CLSTN1: variants seen among roughly 807,000 people sequenced by gnomAD.
CLSTN1 encodes the protein calsyntenin 1.
CLSTN1 carries 28 observed loss-of-function variants against 108.3 expected under a neutral mutation model. The ratio of observed to expected loss-of-function variants is 0.26; its 90% CI spans 0.19 to 0.35. The LOEUF is 0.35. Among genes scored for constraint, CLSTN1 ranks in the 10% least tolerant of loss-of-function variants. The pLI, the probability that CLSTN1 is intolerant of heterozygous loss-of-function variation, is 1.00. For synonymous variants in CLSTN1, 524 were observed against 534.9 expected (o/e 0.98, Z 0.28); for missense variants, 1,157 against 1,302.6 (o/e 0.89, Z 1.72).
Position 9,805,058 on chromosome 1 carries a change from T to C in CLSTN1, c.91+18585A>G, listed in dbSNP as rs141186461. 8.0e-3 allele frequency among the ~76,000 whole-genome samples: 1,221 copies of C among 152,022 alleles called. 14 individuals carry two copies. Among genetic ancestry groups the C allele is most frequent in the African/African-American group, 0.027 (1,134 of 41,438 alleles). ...TCACTTGAACCTGGGAAGCAGAGGT[T>C]GCAGTGAGCCGAGATCGCGCCATAG... On this transcript the variant is annotated intron_variant, in intron 1 of 18. Transcript: ENST00000377298.
rs1355206574 is a variant in CLSTN1, at chr1:9,811,711, C to T, written c.91+11932G>A. 2.9e-5 allele frequency among the ~76,000 whole-genome samples: 3 copies of T among 103,458 alleles called. No homozygotes were observed. In the East Asian group the frequency reaches 8.5e-4, roughly 29 times the overall value. The allele number at this position is 103,458 out of a possible 152,430, so 67.9% of individuals were successfully genotyped here. A position where few individuals can be genotyped will look rare whatever the true frequency, so the allele number is the denominator to read the frequency against. Reference sequence around the variant, plus strand: ...TTTTACTATTTACTTAGTACTCTGACAAATGCTTGAAATGCATGGCAAAAA... The same window carrying T: ...TTTTACTATTTACTTAGTACTCTGATAAATGCTTGAAATGCATGGCAAAAA... On this transcript the variant is annotated intron_variant, in intron 1 of 18. Transcript: ENST00000377298.
In CLSTN1 at chr1:9,741,075, G is replaced by A. The variant is rs368750889; in HGVS notation, c.1519+19C>T. On this transcript the variant is annotated intron_variant, in intron 10 of 18. Coordinates refer to ENST00000377298, the MANE Select transcript of CLSTN1 (RefSeq NM_001009566.3). The stretch of plus-strand genomic sequence containing the variant: ...ACAACTTAATTCTCGAGTCGAGGGC[G>A]GGGGGTAATGACAGGTACCTTGCCA... The A allele has an allele frequency of 8.2e-5, 132 of 1,605,606 alleles. No homozygotes were observed. In the African/African-American group the frequency reaches 1.2e-3, roughly 15 times the overall value.
At chr1:9,739,951 G>A (rs538042108) in intron 10 of CLSTN1, among the ~76,000 whole-genome samples, 1 of 151,972 alleles carries the variant, frequency 6.6e-6, no homozygotes, top group African/African-American at 2.4e-5. Context: ...CGAGTAGCTG[G>A]GACCACAGGC....
At chr1:9,816,030 A>G (rs918297338) in intron 1 of CLSTN1, among the ~76,000 whole-genome samples, 10 of 152,208 alleles carry the variant, frequency 6.6e-5, no homozygotes, top group Non-Finnish European at 2.9e-5. Flanking sequence ...AAATGAAAAC[A>G]TATGTCCACA....
At chr1:9,783,847 AC>A (rs1653360028) in intron 1 of CLSTN1, among the ~76,000 whole-genome samples, 1 of 151,914 alleles carries the variant, frequency 6.6e-6, no homozygotes, top group Admixed American at 6.6e-5. Context: ...ACAAAAATTA[AC>A]CAGGCGTGGT....
At chr1:9,735,253 G>A in intron 13 of CLSTN1, 79 bp from the exon 14 acceptor site, 1 of 1,489,048 alleles carries the variant, frequency 6.7e-7, no homozygotes, top group Non-Finnish European at 9.3e-7. Context: ...ACATGGAGGT[G>A]GGATACAGAG....
intron 1 of CLSTN1, among the ~76,000 whole-genome samples, chr1:9,804,790 C>T (rs922303928): frequency 1.3e-5 from 2 of 152,112 alleles, no homozygotes; most frequent in Non-Finnish European, 2.9e-5. Flanking sequence ...CGAGTTTATG[C>T]CACTGCATTA....
intron 1 of CLSTN1, among the ~76,000 whole-genome samples, chr1:9,819,673 T>G (rs1655118622): frequency 6.6e-6 from 1 of 152,132 alleles, no homozygotes; most frequent in African/African-American, 2.4e-5. Flanking sequence ...AACTGAAGGT[T>G]CCAGTTAACC....
chr1:9,769,218 C>A (rs1652547543), intron 2 of CLSTN1, among the ~76,000 whole-genome samples: 1 of 151,748 alleles, frequency 6.6e-6, no homozygotes, highest in Non-Finnish European at 1.5e-5. Context: ...TGCTCCCTCC[C>A]CCCCATGCAG....
At position 9,733,502 on chromosome 1, in the gene CLSTN1, G is replaced by T; in HGVS notation, c.2326C>A (p.Arg776Ser). 7 of 1,614,142 alleles carry T rather than the reference G, an allele frequency of 4.3e-6. No homozygotes were observed. The highest frequency in any genetic ancestry group is 8.5e-7 in the Non-Finnish European group (1 of 1,180,038). The part of the protein sequence containing the change: ...ASYEEVLHLL[R>S]YRNWHARSLL... ...GACCTGGCATGCCAGTTCCGATAGCGCAGCAGGTGCAAAACCTCCTCGTAG... is the reference window on the plus strand; with the variant it reads ...GACCTGGCATGCCAGTTCCGATAGCTCAGCAGGTGCAAAACCTCCTCGTAG... Residue 776 changes from arginine to serine, a missense_variant, in exon 16 of 19, where the codon CGC (arginine) becomes AGC (serine). By Grantham distance (110) the Arg-to-Ser change is moderately radical (BLOSUM62 -1). Transcript: ENST00000377298.
chr1:9,785,972 T>TC (rs1239030055), intron 1 of CLSTN1, among the ~76,000 whole-genome samples: 1 of 151,774 alleles, frequency 6.6e-6, no homozygotes, highest in Non-Finnish European at 1.5e-5. Context: ...GTTCAGGAGT[T>TC]CGACACCAGC....
chr1:9,810,085 AAAGG>A, intron 1 of CLSTN1, among the ~76,000 whole-genome samples: 3 of 9,914 alleles, frequency 3.0e-4, no homozygotes, highest in African/African-American at 3.7e-4. Flanking sequence ...AGAGAGAGAG[AAAGG>A]AAGGAGGGAG....
Position 9,734,185 on chromosome 1 carries a change from G to A in CLSTN1, c.2111-43C>T. On this transcript the variant is annotated intron_variant, in intron 14 of 18. Coordinates refer to ENST00000377298, the MANE Select transcript of CLSTN1 (RefSeq NM_001009566.3). This position sits in a 1 kb window ranked among gnomAD's most constrained non-coding sequence, Gnocchi z 4.8. ...CCAGAAATATTAAGTAGGGGCAGTGGGGCCCAGCGTGGCGGGGCACACTGG... is the reference window on the plus strand; with the variant it reads ...CCAGAAATATTAAGTAGGGGCAGTGAGGCCCAGCGTGGCGGGGCACACTGG... 1.2e-6 allele frequency: 2 copies of A among 1,602,090 alleles called. No homozygotes were observed. Among genetic ancestry groups the A allele is most frequent in the Non-Finnish European group, 1.7e-6 (2 of 1,171,382 alleles).
chr1:9,737,796 C>A lies in CLSTN1; in HGVS notation c.1520-242G>T, dbSNP rs1010885883. 3.3e-5 allele frequency among the ~76,000 whole-genome samples: 5 copies of A among 152,222 alleles called. No individual in the cohort carries two copies. The South Asian group carries it at 6.2e-4, about 19-fold the overall frequency. ...GTTCCACCTTCCCACATCCTCCTTG[C>A]CAAAACATATGTTAGATTCAAAATA... On this transcript the variant is annotated intron_variant, in intron 10 of 18. Coordinates refer to ENST00000377298, the MANE Select transcript of CLSTN1 (RefSeq NM_001009566.3).
intron 9 of CLSTN1, among the ~76,000 whole-genome samples, chr1:9,743,106 AATG>A (rs1265609630): frequency 1.3e-5 from 2 of 152,198 alleles, no homozygotes; most frequent in African/African-American, 4.8e-5. Context: ...AGACAAATAA[AATG>A]ATGATAAGGC....
rs189650396 is a variant in CLSTN1, at chr1:9,797,512, A to C, written c.92-24118T>G. Among the ~76,000 whole-genome samples the C allele has an allele frequency of 5.3e-5, 8 of 152,240 alleles. No homozygotes were observed. The East Asian group carries it at 1.5e-3, about 29-fold the overall frequency. ...TAAAATTAGCCTGGCGTGGTGGTGC[A>C]TGTCTGTAGTCTCATCTACTTGGGA... On this transcript the variant is annotated intron_variant, in intron 1 of 18. Transcript: ENST00000377298.
chr1:9,806,479 CTGAA>C (rs1383695252), intron 1 of CLSTN1, among the ~76,000 whole-genome samples: 1 of 152,156 alleles, frequency 6.6e-6, no homozygotes, highest in Non-Finnish European at 1.5e-5. Flanking sequence ...CAAATGTCTG[CTGAA>C]TGAATGACTT....
chr1:9,778,737 G>A (rs1322481432), intron 1 of CLSTN1, among the ~76,000 whole-genome samples: 6 of 152,122 alleles, frequency 3.9e-5, no homozygotes, highest in Admixed American at 3.3e-4. Flanking sequence ...ATAAGGGGCC[G>A]GATGCGGTGG....
intron 1 of CLSTN1, among the ~76,000 whole-genome samples, chr1:9,817,648 G>C (rs948930802): frequency 1.9e-4 from 29 of 152,034 alleles, no homozygotes; most frequent in African/African-American, 6.0e-4. Flanking sequence ...TGTTTTATAG[G>C]CATTTAAGCT....
Sources: gnomAD v4.1 joint callset for allele counts (sites outside exome capture counted in the v4.1 genomes callset) on GRCh38, gnomAD v4.1.1 for gene constraint, Gnocchi (gnomAD v3.1) non-coding constraint, MANE v1.5 for transcripts, NCBI Gene and HGNC (gene_info 2026-07-23, HGNC 2026-07-21) for gene names.